Variants in KCNG3 observed in about 807,000 individuals in gnomAD.
The protein encoded by KCNG3 is voltage-gated potassium channel regulatory subunit KCNG3.
In KCNG3, 15 loss-of-function variants were observed where a neutral mutation model predicts 29.0. The ratio of observed to expected loss-of-function variants is 0.52; its 90% CI spans 0.35 to 0.80. The LOEUF (loss-of-function observed/expected upper bound fraction) is 0.80. Ranked by LOEUF, KCNG3 falls within the 30% of genes least tolerant of loss-of-function variation. The pLI is 0.01. For missense variants in KCNG3, 512 were observed against 605.7 expected (o/e 0.85, Z 1.62); for synonymous variants, 322 against 248.9 (o/e 1.29, Z -2.76).
At chr2:42,484,447 C>T (rs571314620) in intron 1 of KCNG3, among the ~76,000 whole-genome samples, 5 of 151,966 alleles carry the variant, frequency 3.3e-5, no homozygotes, top group African/African-American at 1.2e-4. Flanking sequence ...GGCAACAGAG[C>T]GAGACTCCGT....
chr2:42,456,120 GT>G (rs1430599079), intron 1 of KCNG3, among the ~76,000 whole-genome samples: 1 of 151,970 alleles, frequency 6.6e-6, no homozygotes, highest in African/African-American at 2.4e-5. Flanking sequence ...AAACTTAACA[GT>G]TTTGGCAGGG....
At chr2:42,469,332 G>A (rs1030562286) in intron 1 of KCNG3, among the ~76,000 whole-genome samples, 20 of 150,916 alleles carry the variant, frequency 1.3e-4, no homozygotes, top group Non-Finnish European at 2.4e-4. Flanking sequence ...CAGAAGAATC[G>A]CTTGAACCCA....
chr2:42,487,897 C>G (rs556216237), intron 1 of KCNG3, among the ~76,000 whole-genome samples: 1 of 152,136 alleles, frequency 6.6e-6, no homozygotes, highest in Non-Finnish European at 1.5e-5. Context: ...TAGAATACTA[C>G]GAAGCTGCAG....
chr2:42,479,879 G>T (rs1182772705), intron 1 of KCNG3, among the ~76,000 whole-genome samples: 1 of 152,088 alleles, frequency 6.6e-6, no homozygotes, highest in African/African-American at 2.4e-5. Context: ...AGGCGTGTTG[G>T]TACATGTCTG....
At chr2:42,404,867 T>G in the KCNG3 span, among the ~76,000 whole-genome samples, 1 of 152,300 alleles carries the variant, frequency 6.6e-6, no homozygotes, top group South Asian at 2.1e-4. Flanking sequence ...CCACTGACTC[T>G]TAAGAGCTGT....
intron 1 of KCNG3, among the ~76,000 whole-genome samples, chr2:42,476,033 C>A (rs1416921548): frequency 6.6e-6 from 1 of 151,910 alleles, no homozygotes; most frequent in Non-Finnish European, 1.5e-5. Flanking sequence ...GCCATTGCAC[C>A]CCAGCCTGGG....
the KCNG3 span, among the ~76,000 whole-genome samples, chr2:42,398,419 A>G: frequency 6.6e-6 from 1 of 152,068 alleles, no homozygotes; most frequent in African/African-American, 2.4e-5. Context: ...GTAAGATGAC[A>G]GTGTCCCAGG....
chr2:42,429,146 C>CAA, the KCNG3 span, among the ~76,000 whole-genome samples: 18 of 147,002 alleles, frequency 1.2e-4, no homozygotes, highest in African/African-American at 4.2e-4. Flanking sequence ...AACAAACAAA[C>CAA]AAAAAAAAAA....
chr2:42,481,433 T>C (rs1433052538), intron 1 of KCNG3, among the ~76,000 whole-genome samples: 1 of 152,120 alleles, frequency 6.6e-6, no homozygotes, highest in African/African-American at 2.4e-5. Flanking sequence ...CTGCATCTCT[T>C]ACTGAGGTTC....
intron 1 of KCNG3, chr2:42,464,141 G>GTAA (rs1673086023): frequency 9.9e-6 from 2 of 201,210 alleles, no homozygotes; most frequent in African/African-American, 4.8e-5. Flanking sequence ...CTAACAACAG[G>GTAA]TAACTAATGT....
chr2:42,431,812 C>T, the KCNG3 span, among the ~76,000 whole-genome samples: 2 of 152,164 alleles, frequency 1.3e-5, no homozygotes, highest in Middle Eastern at 3.4e-3. Context: ...CCGACGTGGG[C>T]GGATCACCTG....
At chr2:42,388,374 C>G in the KCNG3 span, 1 of 152,154 alleles carries the variant, frequency 6.6e-6, no homozygotes, top group South Asian at 2.1e-4. Flanking sequence ...ATTTATTGTT[C>G]TTTAAATAAT....
chr2:42,472,035 A>C (rs968774058), intron 1 of KCNG3, among the ~76,000 whole-genome samples: 1 of 152,200 alleles, frequency 6.6e-6, no homozygotes, highest in African/African-American at 2.4e-5. Flanking sequence ...TAAGAATATA[A>C]ATCAGTAGAA....
intron 1 of KCNG3, 25 bp downstream of exon 1, chr2:42,492,812 C>T (rs201133533): frequency 7.2e-5 from 105 of 1,450,994 alleles, no homozygotes; most frequent in Admixed American, 2.7e-4. Context: ...ACGGACGGGA[C>T]GGGTAGAGAA....
At chr2:42,488,381 T>C (rs1231628416) in intron 1 of KCNG3, among the ~76,000 whole-genome samples, 1 of 152,114 alleles carries the variant, frequency 6.6e-6, no homozygotes, top group Admixed American at 6.6e-5. Flanking sequence ...TTGATTTTTT[T>C]GTTGTTTTGT....
chr2:42,450,902 T>C (rs1391934639), intron 1 of KCNG3, among the ~76,000 whole-genome samples: 2 of 152,186 alleles, frequency 1.3e-5, no homozygotes, highest in East Asian at 1.9e-4. Context: ...TATGACAATG[T>C]CCATTGTTAA....
In KCNG3 at chr2:42,444,633, GCT is replaced by G. The variant is rs1210276850; in HGVS notation, c.666-56_666-55del. The G allele has an allele frequency of 8.1e-6, 12 of 1,483,058 alleles. No homozygotes were observed. The highest frequency in any genetic ancestry group is 1.0e-5 in the Non-Finnish European group (11 of 1,090,380). The allele number at this position is 1,483,058 out of a possible 1,614,324, so 91.9% of individuals were successfully genotyped here. ...CATTTTATTTTTAAGCATTTTAATA[GCT>G]CTTAGATTTCTTCAGATAGTACTAC... On this transcript the variant is annotated intron_variant, in intron 1 of 1. Coordinates refer to ENST00000306078, the MANE Select transcript of KCNG3 (RefSeq NM_133329.6). The surrounding 1 kb of genome is among the most constrained non-coding windows in gnomAD (Gnocchi z 5.8).
chr2:42,457,962 T>C (rs896373024), intron 1 of KCNG3, among the ~76,000 whole-genome samples: 3 of 152,102 alleles, frequency 2.0e-5, no homozygotes, highest in East Asian at 1.9e-4. Flanking sequence ...CATCTCAATA[T>C]ATAAATAAGT....
chr2:42,439,232 CTG>C (rs1672425222), downstream of KCNG3, among the ~76,000 whole-genome samples: 1 of 145,274 alleles, frequency 6.9e-6, no homozygotes, highest in Non-Finnish European at 1.5e-5. Context: ...TAAAAATAAA[CTG>C]TCAATTATAT....
Sources: gnomAD v4.1 joint callset for allele counts (sites outside exome capture counted in the v4.1 genomes callset) on GRCh38, gnomAD v4.1.1 for gene constraint, Gnocchi (gnomAD v3.1) non-coding constraint, MANE v1.5 for transcripts, NCBI Gene and HGNC (gene_info 2026-07-23, HGNC 2026-07-21) for gene names.